The following ARHGAP24 variants were observed in gnomAD, a reference collection of about 807,000 sequenced individuals.
The protein encoded by ARHGAP24 is rho GTPase-activating protein 24.
In ARHGAP24, 50 loss-of-function variants were observed where a neutral mutation model predicts 76.4. That is an observed-to-expected ratio of 0.65 (90% CI 0.52 to 0.83). The LOEUF (loss-of-function observed/expected upper bound fraction) is 0.83. ARHGAP24 is among the 40% of genes least tolerant of loss of function. ARHGAP24 has a pLI of 0.00. For missense variants in ARHGAP24, 930 were observed against 914.2 expected, an observed-to-expected ratio of 1.02 and a Z score of -0.22; for synonymous variants, 345 against 323.3, an observed-to-expected ratio of 1.07 and a Z score of -0.72.
In ARHGAP24 at chr4:85,972,182, T is replaced by C. The variant is rs1176554337; in HGVS notation, c.732+14T>C. The C allele has an allele frequency of 1.9e-6, 3 of 1,612,986 alleles. No individual in the cohort carries two copies. Among genetic ancestry groups the C allele is most frequent in the Non-Finnish European group, 2.5e-6 (3 of 1,179,952 alleles). ...GAAGAGGAAGCAGTAAGTTGATGCA[T>C]TTATTTCCAAATAAGCTTTTGTTTG... On this transcript the variant is annotated intron_variant, in intron 6 of 9. Coordinates refer to ENST00000395184, the MANE Select transcript of ARHGAP24 (RefSeq NM_001025616.3).
intron 2 of ARHGAP24, among the ~76,000 whole-genome samples, chr4:85,647,870 A>C (rs966432129): frequency 6.6e-6 from 1 of 152,128 alleles, no homozygotes; most frequent in African/African-American, 2.4e-5. Flanking sequence ...ACTTATTGCC[A>C]TCTGTTGTAC....
rs73833880 is a variant in ARHGAP24 at position 85,792,811 on chromosome 4, T to G, written c.268+70839T>G. ...TACAGTTTGAAGCTCTGTCAGATCTTATTGTAAAGCACCACTGAAGAACAT... is the reference window on the plus strand; with the variant it reads ...TACAGTTTGAAGCTCTGTCAGATCTGATTGTAAAGCACCACTGAAGAACAT... On this transcript the variant is annotated intron_variant, in intron 3 of 9. Coordinates refer to ENST00000395184, the MANE Select transcript of ARHGAP24 (RefSeq NM_001025616.3). Among the ~76,000 whole-genome samples, 302 of 152,282 alleles carry G rather than the reference T, an allele frequency of 2.0e-3. 3 individuals are homozygous for G. The highest frequency in any genetic ancestry group is 7.1e-3 in the African/African-American group (295 of 41,570).
intron 2 of ARHGAP24, among the ~76,000 whole-genome samples, chr4:85,691,570 T>A (rs1723662609): frequency 6.6e-6 from 1 of 152,220 alleles, no homozygotes; most frequent in Non-Finnish European, 1.5e-5. Context: ...CTTGTTGGAT[T>A]GTACCTTTTA....
At chr4:85,569,829 A>G (rs770128755) in intron 1 of ARHGAP24, among the ~76,000 whole-genome samples, 19 of 152,330 alleles carry the variant, frequency 1.2e-4, no homozygotes, top group Non-Finnish European at 2.4e-4. Flanking sequence ...AATGTCTTCC[A>G]TTAAGATTTT....
Position 85,995,427 on chromosome 4 carries a change from T to C in ARHGAP24, c.1773T>C (p.Pro591=). Residue 591 remains proline (P), a synonymous_variant, in exon 9 of 10, where the codon CCT becomes CCC. Coordinates refer to ENST00000395184, the MANE Select transcript of ARHGAP24 (RefSeq NM_001025616.3). ...QDFFGGNFED[P]VLDGPPQDDL... The stretch of plus-strand genomic sequence containing the variant: ...TTTTTGGGGGGAACTTTGAGGACCC[T>C]GTTTTGGATGGGCCCCCGCAGGACG... The C allele has an allele frequency of 1.2e-6, 2 of 1,611,636 alleles. No homozygotes were observed. Among genetic ancestry groups the C allele is most frequent in the Middle Eastern group, 3.3e-4 (2 of 6,052 alleles).
At chr4:85,914,123 A>T (rs1368870338) in intron 3 of ARHGAP24, among the ~76,000 whole-genome samples, 1 of 152,220 alleles carries the variant, frequency 6.6e-6, no homozygotes, top group Non-Finnish European at 1.5e-5. Flanking sequence ...TGCAGGGTTA[A>T]TCATTTACAA....
At chr4:85,757,570 T>A (rs6845841) in intron 3 of ARHGAP24, among the ~76,000 whole-genome samples, 138,181 of 152,216 alleles carry the variant, frequency 0.91, 64,239 homozygotes, top group East Asian at 1. Flanking sequence ...GGCTGCATAG[T>A]ATTCCATGGT....
At chr4:85,947,042 T>C (rs1241792650) in intron 5 of ARHGAP24, among the ~76,000 whole-genome samples, 1 of 152,208 alleles carries the variant, frequency 6.6e-6, no homozygotes, top group Non-Finnish European at 1.5e-5. Flanking sequence ...TGTGAGATGG[T>C]ATTTCACTGT....
At chr4:85,945,584 A>G (rs1254485168) in intron 5 of ARHGAP24, among the ~76,000 whole-genome samples, 1 of 151,918 alleles carries the variant, frequency 6.6e-6, no homozygotes, top group Non-Finnish European at 1.5e-5. Context: ...CAACATGCTG[A>G]AACTGTCTCT....
chr4:85,635,817 G>A (rs1014222944), intron 2 of ARHGAP24, among the ~76,000 whole-genome samples: 12 of 151,746 alleles, frequency 7.9e-5, no homozygotes, highest in African/African-American at 1.7e-4. Flanking sequence ...CAAGAGCTCC[G>A]TAAAAATTTT....
In ARHGAP24 at chr4:85,942,210, A is replaced by G; in HGVS notation, c.536A>G (p.Gln179Arg). ...GAGGGTCTCTTTCGACTGCCAGGCC[A>G]GGCTAATCTTGTTAAGGAGCTCCAA... ...KEEGLFRLPG[Q>R]ANLVKELQDA... is the part of the protein sequence containing the mutation. The change falls in exon 5 of 10, where the codon CAG becomes CGG. Residue 179 changes from glutamine (Q) to arginine (R), a missense_variant. Gln to Arg is a conservative substitution (Grantham distance 43). Coordinates refer to ENST00000395184, the MANE Select transcript of ARHGAP24 (RefSeq NM_001025616.3). 1.2e-6 allele frequency: 2 copies of G among 1,614,158 alleles called. No individual in the cohort carries two copies. Among genetic ancestry groups the G allele is most frequent in the Non-Finnish European group, 1.7e-6 (2 of 1,180,012 alleles).
chr4:85,732,839 ATGT>A (rs1285057883), intron 3 of ARHGAP24, among the ~76,000 whole-genome samples: 13 of 149,890 alleles, frequency 8.7e-5, no homozygotes, highest in African/African-American at 2.4e-4. Flanking sequence ...GATTACAGGC[ATGT>A]GCCACCAAGC....
chr4:85,875,911 T>C (rs2110199562), intron 3 of ARHGAP24, among the ~76,000 whole-genome samples: 1 of 151,464 alleles, frequency 6.6e-6, no homozygotes, highest in Admixed American at 6.6e-5. Flanking sequence ...CCTAGCTAAT[T>C]TTTTTATTTT....
At chr4:85,727,705 C>T (rs947839082) in intron 3 of ARHGAP24, among the ~76,000 whole-genome samples, 1 of 152,124 alleles carries the variant, frequency 6.6e-6, no homozygotes, top group African/African-American at 2.4e-5. Flanking sequence ...GTCTAACCAC[C>T]AACCAACACA....
intron 2 of ARHGAP24, among the ~76,000 whole-genome samples, chr4:85,641,469 G>C (rs1721518817): frequency 6.6e-6 from 1 of 152,160 alleles, no homozygotes; most frequent in African/African-American, 2.4e-5. Context: ...CCTTCTGAGA[G>C]CTGCAAGGGA....
At chr4:85,931,817 A>G (rs1678815684) in intron 4 of ARHGAP24, among the ~76,000 whole-genome samples, 1 of 152,236 alleles carries the variant, frequency 6.6e-6, no homozygotes, top group African/African-American at 2.4e-5. Flanking sequence ...AGAATAATTA[A>G]ATGGAATGGC....
intron 3 of ARHGAP24, among the ~76,000 whole-genome samples, chr4:85,887,511 G>T (rs1733628846): frequency 6.6e-6 from 1 of 152,096 alleles, no homozygotes; most frequent in East Asian, 1.9e-4. Context: ...CTATGGATTG[G>T]GAGACTGTCT....
intron 8 of ARHGAP24, among the ~76,000 whole-genome samples, chr4:85,987,343 C>T (rs199879967): frequency 5.3e-5 from 8 of 152,016 alleles, no homozygotes; most frequent in East Asian, 1.9e-4. Flanking sequence ...TGTGCCAGAA[C>T]GAAGTCCAAC....
intron 2 of ARHGAP24, among the ~76,000 whole-genome samples, chr4:85,625,494 A>G (rs1720911430): frequency 6.6e-6 from 1 of 152,096 alleles, no homozygotes; most frequent in South Asian, 2.1e-4. Context: ...ACTTCCAACT[A>G]TGTGGTCAAT....
Sources: allele counts gnomAD v4.1 joint callset (sites outside exome capture counted in the v4.1 genomes callset), GRCh38; gene constraint gnomAD v4.1.1; transcripts MANE v1.5; gene names NCBI Gene and HGNC (gene_info 2026-07-23, HGNC 2026-07-21).